Variants in VDAC1 observed in about 807,000 individuals in gnomAD.
VDAC1 encodes the protein voltage dependent anion channel 1.
A neutral mutation model predicts 34.7 loss-of-function variants in VDAC1; 10 were observed. That is an observed-to-expected ratio of 0.29 (90% CI 0.18 to 0.49). The LOEUF (loss-of-function observed/expected upper bound fraction) is 0.49, where lower values mean the gene tolerates loss of function less well. Among genes scored for constraint, VDAC1 ranks in the 20% least tolerant of loss-of-function variants. The pLI, the probability that VDAC1 is intolerant of heterozygous loss-of-function variation, is 0.99. For missense variants in VDAC1, 230 were observed against 347.9 expected (o/e 0.66, Z 2.69); for synonymous variants, 130 against 136.0 (o/e 0.96, Z 0.30).
chr5:134,006,539 T>C (rs1216251771), upstream of VDAC1, among the ~76,000 whole-genome samples: 1 of 151,958 alleles, frequency 6.6e-6, no homozygotes, highest in Non-Finnish European at 1.5e-5. Context: ...GGCCAGGACT[T>C]CGAGACCAGC....
chr5:134,007,121 A>G (rs532155225), upstream of VDAC1, among the ~76,000 whole-genome samples: 10 of 152,082 alleles, frequency 6.6e-5, no homozygotes, highest in Non-Finnish European at 1.0e-4. Flanking sequence ...GCACATGCCT[A>G]TAATCCCAGC....
At chr5:133,990,814 T>A in intron 5 of VDAC1, 41 bp downstream of exon 5, 1 of 1,515,094 alleles carries the variant, frequency 6.6e-7, no homozygotes, top group Non-Finnish European at 8.8e-7. Flanking sequence ...ACCTGCAACA[T>A]CAGAGAACAT....
intron 8 of VDAC1, among the ~76,000 whole-genome samples, chr5:133,973,434 A>C (rs1271985856): frequency 2.6e-5 from 4 of 152,136 alleles, no homozygotes; most frequent in Non-Finnish European, 4.4e-5. Context: ...CCTGCAAACC[A>C]CTTTTCCTAT....
chr5:134,106,681 C>G, the VDAC1 span, among the ~76,000 whole-genome samples: 1 of 152,178 alleles, frequency 6.6e-6, no homozygotes, highest in South Asian at 2.1e-4. Context: ...GCTGGGATTA[C>G]AGGCGTGAGC....
the VDAC1 span, among the ~76,000 whole-genome samples, chr5:134,018,316 T>C: frequency 1.3e-5 from 2 of 152,170 alleles, no homozygotes; most frequent in African/African-American, 2.4e-5. Flanking sequence ...TAACAGAGCA[T>C]GAACTCACTC....
At chr5:134,062,154 T>A in the VDAC1 span, among the ~76,000 whole-genome samples, 2 of 151,358 alleles carry the variant, frequency 1.3e-5, 1 homozygote, top group Non-Finnish European at 3.0e-5. Flanking sequence ...GCCCGGCTAA[T>A]TTTGGTATTT....
chr5:134,107,738 T>C, the VDAC1 span, among the ~76,000 whole-genome samples: 5,729 of 152,280 alleles, frequency 0.038, 342 homozygotes, highest in African/African-American at 0.13. Context: ...GTGACAACAG[T>C]CACCACTCAG....
At chr5:134,103,934 A>G in the VDAC1 span, among the ~76,000 whole-genome samples, 1 of 152,180 alleles carries the variant, frequency 6.6e-6, no homozygotes, top group African/African-American at 2.4e-5. Context: ...AGGCAGGCTC[A>G]TCTCTGAGGA....
chr5:134,017,638 G>T, the VDAC1 span, among the ~76,000 whole-genome samples: 2 of 152,196 alleles, frequency 1.3e-5, no homozygotes, highest in Admixed American at 6.5e-5. Context: ...AATAGGCTGG[G>T]CATGGTGGCT....
chr5:134,065,688 A>G, the VDAC1 span, among the ~76,000 whole-genome samples: 1 of 151,786 alleles, frequency 6.6e-6, no homozygotes, highest in African/African-American at 2.4e-5. Flanking sequence ...GAGATAATAT[A>G]GTCAGTATGA....
At chr5:134,110,686 G>A in the VDAC1 span, among the ~76,000 whole-genome samples, 40 of 152,314 alleles carry the variant, frequency 2.6e-4, no homozygotes, top group African/African-American at 8.2e-4. Context: ...GATGCCAGGC[G>A]GGCTGGTGAG....
At chr5:134,083,006 T>G in the VDAC1 span, among the ~76,000 whole-genome samples, 3,059 of 152,306 alleles carry the variant, frequency 0.02, 89 homozygotes, top group African/African-American at 0.069. Context: ...AACTGGCAAG[T>G]AATGCCTTTC....
chr5:134,040,446 G>A, the VDAC1 span, among the ~76,000 whole-genome samples: 5 of 152,148 alleles, frequency 3.3e-5, no homozygotes, highest in East Asian at 1.9e-4. Context: ...GTGGTGGCAC[G>A]TGCCTGTAGT....
chr5:134,022,665 G>A, the VDAC1 span, among the ~76,000 whole-genome samples: 1 of 152,234 alleles, frequency 6.6e-6, no homozygotes, highest in Non-Finnish European at 1.5e-5. Context: ...GGGCCCACAT[G>A]AGCACTACGA....
chr5:134,033,698 G>T, the VDAC1 span, among the ~76,000 whole-genome samples: 2 of 149,226 alleles, frequency 1.3e-5, no homozygotes, highest in African/African-American at 4.9e-5. Context: ...AGTAAAAAAA[G>T]AGTCGAAATA....
chr5:134,013,963 A>G, the VDAC1 span, among the ~76,000 whole-genome samples: 1 of 145,482 alleles, frequency 6.9e-6, no homozygotes, highest in African/African-American at 2.6e-5. Flanking sequence ...CCCGAAAAAA[A>G]GTGGGCAGAG....
the VDAC1 span, among the ~76,000 whole-genome samples, chr5:134,091,942 A>C: frequency 6.6e-6 from 1 of 152,190 alleles, no homozygotes; most frequent in East Asian, 1.9e-4. Flanking sequence ...GGTAAGTCAG[A>C]TCCTGGCCTT....
chr5:134,046,397 C>T, the VDAC1 span, among the ~76,000 whole-genome samples: 1 of 151,958 alleles, frequency 6.6e-6, no homozygotes, highest in South Asian at 2.1e-4. Context: ...TCTTGAACTC[C>T]TGGGCTCGAG....
At chr5:134,062,871 C>T in the VDAC1 span, among the ~76,000 whole-genome samples, 1 of 151,904 alleles carries the variant, frequency 6.6e-6, no homozygotes, top group Non-Finnish European at 1.5e-5. Flanking sequence ...AAATGATCTG[C>T]CCTCCTCGGC....
Sources: gnomAD v4.1 joint callset for allele counts (sites outside exome capture counted in the v4.1 genomes callset) on GRCh38, gnomAD v4.1.1 for gene constraint, MANE v1.5 for transcripts, NCBI Gene and HGNC (gene_info 2026-07-23, HGNC 2026-07-21) for gene names.